Variants in RTN4 observed in about 807,000 individuals in gnomAD.
RTN4 encodes the protein reticulon 4.
RTN4 carries 32 observed loss-of-function variants against 90.4 expected under a neutral mutation model. The observed-to-expected ratio is 0.35, with a 90% confidence interval of 0.27 to 0.48. RTN4 has a LOEUF of 0.48. Among genes scored for constraint, RTN4 ranks in the 20% least tolerant of loss-of-function variants. The pLI is 0.99. For missense variants in RTN4, 1,706 were observed against 1,430.2 expected (o/e 1.19, Z -3.11); for synonymous variants, 629 against 552.5 (o/e 1.14, Z -1.94).
chr2:54,973,837 ATAAC>A lies in RTN4; in HGVS notation c.3457_3460del (p.Val1153PhefsTer9). 6.2e-7 allele frequency: 1 copy of A among 1,613,552 alleles called. No individual in the cohort carries two copies. The highest frequency in any genetic ancestry group is 8.5e-7 in the Non-Finnish European group (1 of 1,179,712). On this transcript the variant is annotated frameshift_variant, in exon 7 of 9. Coordinates refer to ENST00000337526, the MANE Select transcript of RTN4 (RefSeq NM_020532.5). LOFTEE classifies it high-confidence loss of function. The stretch of plus-strand genomic sequence containing the variant: ...GGAAATTACCTGATGCCGTTCATAA[ATAAC>A]AGGAACACTGAAGAGTGAAATGAGA...
At chr2:54,986,383 G>A (rs965955799) in intron 4 of RTN4, among the ~76,000 whole-genome samples, 1 of 152,130 alleles carries the variant, frequency 6.6e-6, no homozygotes, top group African/African-American at 2.4e-5. Flanking sequence ...ACGTCCATAT[G>A]GTCTCTCTTA....
At position 55,026,047 on chromosome 2, in the gene RTN4, A is replaced by G. The variant is rs200366005; in HGVS notation, c.2052T>C (p.Asn684=). ...GAGCTTCTGTTTCTTGAAGAGCTGC[A>G]TTAATATTTTCAGGCTCTTTAATTT... ...KEEIKEPENI[N]AALQETEAPY... The change falls in exon 3 of 9, where the codon AAT becomes AAC. Residue 684 remains asparagine (N), a synonymous_variant. Transcript: ENST00000337526. 1 of 1,611,010 alleles carries G rather than the reference A, an allele frequency of 6.2e-7. No homozygotes were observed. Among genetic ancestry groups the G allele is most frequent in the Admixed American group, 1.7e-5 (1 of 59,378 alleles).
chr2:55,029,961 G>C (rs985845619), intron 1 of RTN4, among the ~76,000 whole-genome samples: 4 of 152,208 alleles, frequency 2.6e-5, no homozygotes, highest in Non-Finnish European at 4.4e-5. Flanking sequence ...TTATTAGCTT[G>C]TATAAAACTG....
intron 1 of RTN4, among the ~76,000 whole-genome samples, chr2:55,088,894 C>G (rs921773172): frequency 3.3e-5 from 5 of 152,154 alleles, no homozygotes; most frequent in African/African-American, 7.2e-5. Context: ...CTCCCATCCT[C>G]TGGCCAGACT....
intron 5 of RTN4, among the ~76,000 whole-genome samples, chr2:54,982,003 G>A (rs1007356140): frequency 1.6e-4 from 24 of 151,908 alleles, no homozygotes; most frequent in African/African-American, 5.8e-4. Context: ...TGCCCAGGCT[G>A]GAATGCAATG....
the RTN4 span, among the ~76,000 whole-genome samples, chr2:55,134,684 T>C: frequency 5.3e-5 from 8 of 151,526 alleles, no homozygotes; most frequent in Admixed American, 5.3e-4. Flanking sequence ...TTACACAGAG[T>C]TCTAGGTTTA....
At position 55,032,619 on chromosome 2, in the gene RTN4, A is replaced by G. The variant is rs1682398533; in HGVS notation, c.557-4399T>C. The stretch of plus-strand genomic sequence containing the variant: ...AAACAAACTTAAAAAACAACAACAG[A>G]AAGTATCCAAACTGAAACACAACAA... On this transcript the variant is annotated intron_variant, in intron 1 of 8. Coordinates refer to ENST00000337526, the MANE Select transcript of RTN4 (RefSeq NM_020532.5). 3.9e-5 allele frequency among the ~76,000 whole-genome samples: 6 copies of G among 152,232 alleles called. No homozygotes were observed. In the South Asian group the frequency reaches 1.2e-3, roughly 31 times the overall value.
chr2:55,003,931 T>A (rs1164280092), intron 3 of RTN4, among the ~76,000 whole-genome samples: 2 of 152,124 alleles, frequency 1.3e-5, no homozygotes, highest in Non-Finnish European at 2.9e-5. Flanking sequence ...GGTGGAGGGC[T>A]GGAAATAATC....
At position 54,995,360 on chromosome 2, in the gene RTN4, T is replaced by A. The variant is rs1679336508; in HGVS notation, c.3014-7662A>T. Among the ~76,000 whole-genome samples the A allele has an allele frequency of 2.0e-5, 3 of 152,006 alleles. No individual in the cohort carries two copies. The South Asian group carries it at 6.2e-4, about 32-fold the overall frequency. ...TAAAACACAATTTTTGGTGAATCAG[T>A]GATGGTGGTTGTAGTGGTGGTGGGT... On this transcript the variant is annotated intron_variant, in intron 3 of 8. Transcript: ENST00000337526.
chr2:55,023,649 C>T (rs1481558966), intron 3 of RTN4, among the ~76,000 whole-genome samples: 2 of 151,964 alleles, frequency 1.3e-5, no homozygotes, highest in African/African-American at 2.4e-5. Flanking sequence ...AAAAAAAGTC[C>T]TACCTCCACT....
chr2:55,077,012 CTTTT>C (rs35498029), intron 2 of RTN4, among the ~76,000 whole-genome samples: 79 of 137,532 alleles, frequency 5.7e-4, no homozygotes, highest in African/African-American at 1.3e-3. Flanking sequence ...TCAGGCAGTT[CTTTT>C]TTTTTTTTTT....
At chr2:55,098,071 T>C (rs1573515738) in intron 1 of RTN4, among the ~76,000 whole-genome samples, 1 of 152,100 alleles carries the variant, frequency 6.6e-6, no homozygotes, top group East Asian at 1.9e-4. Flanking sequence ...GGAATTAACC[T>C]CTGCACTGTG....
chr2:55,032,468 T>C (rs982004432), intron 1 of RTN4, among the ~76,000 whole-genome samples: 4 of 152,130 alleles, frequency 2.6e-5, no homozygotes, highest in African/African-American at 9.7e-5. Flanking sequence ...ACAGGGAATC[T>C]TGGTGGAGAA....
intron 5 of RTN4, among the ~76,000 whole-genome samples, chr2:54,981,947 C>A (rs997831886): frequency 6.0e-5 from 9 of 150,948 alleles, no homozygotes; most frequent in Admixed American, 5.9e-4. Context: ...GAAAGTATTA[C>A]TATATATATA....
intron 1 of RTN4, among the ~76,000 whole-genome samples, chr2:55,035,485 A>T (rs1682613557): frequency 6.6e-6 from 1 of 152,198 alleles, no homozygotes; most frequent in Non-Finnish European, 1.5e-5. Context: ...GCTTAGAGAG[A>T]AATGTATAGC....
At chr2:55,124,878 G>A in the RTN4 span, among the ~76,000 whole-genome samples, 9 of 152,104 alleles carry the variant, frequency 5.9e-5, no homozygotes, top group Non-Finnish European at 8.8e-5. Flanking sequence ...ATAGACCAAC[G>A]GAACAGAATG....
At chr2:55,044,616 GC>G (rs1277052756) in intron 1 of RTN4, among the ~76,000 whole-genome samples, 1 of 151,880 alleles carries the variant, frequency 6.6e-6, no homozygotes, top group Non-Finnish European at 1.5e-5. Context: ...TAGGTAACAT[GC>G]TCCTTTTCAG....
chr2:55,084,810 G>C (rs937631982), intron 1 of RTN4, among the ~76,000 whole-genome samples: 3 of 152,144 alleles, frequency 2.0e-5, no homozygotes, highest in African/African-American at 7.2e-5. Context: ...TTTGAGACAG[G>C]GTCTTGCTCT....
chr2:55,017,339 GTAAGTTCTTATTCATGAACATATA>G (rs1681116645), intron 3 of RTN4, among the ~76,000 whole-genome samples: 1 of 152,158 alleles, frequency 6.6e-6, no homozygotes, highest in African/African-American at 2.4e-5. Flanking sequence ...ATGAACATAT[GTAAGTTCTTATTCATGAACATATA>G]TAAGTTTGCA....
Sources: allele counts gnomAD v4.1 joint callset (sites outside exome capture counted in the v4.1 genomes callset), GRCh38; gene constraint gnomAD v4.1.1; transcripts MANE v1.5; gene names NCBI Gene and HGNC (gene_info 2026-07-23, HGNC 2026-07-21).